The following ASAP1 variants were observed in gnomAD, a reference collection of about 807,000 sequenced individuals.
The protein encoded by ASAP1 is arf-GAP with SH3 domain, ANK repeat and PH domain-containing protein 1.
Under a neutral mutation model 145.2 loss-of-function variants are expected in ASAP1, and 43 were observed. The observed-to-expected ratio is 0.30, with a 90% confidence interval of 0.23 to 0.38. ASAP1 has a LOEUF of 0.38. Ranked by LOEUF, ASAP1 falls within the 10% of genes least tolerant of loss-of-function variation. The pLI is 1.00. For missense variants in ASAP1, 1,018 were observed against 1,355.3 expected (o/e 0.75, Z 3.91); for synonymous variants, 546 against 515.5 (o/e 1.06, Z -0.80).
intron 27 of ASAP1, among the ~76,000 whole-genome samples, chr8:130,064,637 A>T (rs2097426473): frequency 2.0e-5 from 3 of 152,140 alleles, no homozygotes. Flanking sequence ...ACCACCAAGC[A>T]GCGGATACCA....
intron 2 of ASAP1, among the ~76,000 whole-genome samples, chr8:130,359,694 G>C (rs1346329159): frequency 1.3e-5 from 2 of 151,206 alleles, no homozygotes; most frequent in Non-Finnish European, 2.9e-5. Context: ...CGCAATCTCG[G>C]CTCACTGCAA....
intron 25 of ASAP1, among the ~76,000 whole-genome samples, chr8:130,082,370 TTTTA>T (rs1193228622): frequency 6.6e-5 from 10 of 152,098 alleles, no homozygotes; most frequent in East Asian, 1.9e-4. Context: ...TTTTCTTATT[TTTTA>T]TTTATTTATT....
intron 1 of ASAP1, among the ~76,000 whole-genome samples, chr8:130,440,991 G>GGAAT (rs1272386228): frequency 6.6e-6 from 1 of 152,168 alleles, no homozygotes; most frequent in East Asian, 1.9e-4. Context: ...GCTCCAGAAG[G>GGAAT]GCAGTGCCAG....
At chr8:130,197,551 AC>A (rs1418729153) in intron 5 of ASAP1, among the ~76,000 whole-genome samples, 1 of 152,228 alleles carries the variant, frequency 6.6e-6, no homozygotes, top group Non-Finnish European at 1.5e-5. Context: ...GCTCCTGGTA[AC>A]CCTACAAGGT....
At position 130,059,497 on chromosome 8, in the gene ASAP1, C is replaced by T. The variant is rs564468604; in HGVS notation, c.3192+1082G>A. Reference sequence around the variant, plus strand: ...AATTTTTTTGAGACAGGGTCTTGCTCTGTTACCCAGGCTGGAGTGTAGTGG... The same window carrying T: ...AATTTTTTTGAGACAGGGTCTTGCTTTGTTACCCAGGCTGGAGTGTAGTGG... On this transcript the variant is annotated intron_variant, in intron 28 of 29. Coordinates refer to ENST00000518721, the MANE Select transcript of ASAP1 (RefSeq NM_018482.4). Among the ~76,000 whole-genome samples, 65 of 152,108 alleles carry T rather than the reference C, an allele frequency of 4.3e-4. 1 individual carries two copies. In the South Asian group the frequency reaches 0.014, roughly 32 times the overall value.
chr8:130,300,137 CACACACACACACACACAGAGAG>C (rs1565185826), intron 3 of ASAP1, among the ~76,000 whole-genome samples: 1 of 118,456 alleles, frequency 8.4e-6, no homozygotes, highest in Non-Finnish European at 1.7e-5. Flanking sequence ...CACACACACA[CACACACACACACACACAGAGAG>C]AGAGAGAGAG....
At chr8:130,271,021 C>T (rs972685039) in intron 3 of ASAP1, among the ~76,000 whole-genome samples, 1 of 152,214 alleles carries the variant, frequency 6.6e-6, no homozygotes, top group African/African-American at 2.4e-5. Context: ...GAGGATCACA[C>T]CGTCCTGAAA....
intron 12 of ASAP1, 119 bp downstream of exon 12, chr8:130,159,745 G>A: frequency 2.6e-6 from 2 of 758,882 alleles, no homozygotes; most frequent in Non-Finnish European, 4.5e-6. Context: ...GAAAACCAGT[G>A]TGCTAAAGGT....
chr8:130,179,671 T>C (rs1814211905), intron 8 of ASAP1, among the ~76,000 whole-genome samples: 1 of 152,110 alleles, frequency 6.6e-6, no homozygotes, highest in Admixed American at 6.6e-5. Flanking sequence ...ACTGGAAAGA[T>C]TGATTGTTTT....
intron 13 of ASAP1, among the ~76,000 whole-genome samples, chr8:130,144,824 G>A (rs2097623501): frequency 1.3e-5 from 2 of 152,126 alleles, no homozygotes; most frequent in African/African-American, 4.8e-5. Context: ...ATTTATCACT[G>A]TATCTCCCAA....
chr8:130,377,964 CCT>C (rs1222731103), intron 2 of ASAP1, among the ~76,000 whole-genome samples: 1 of 152,230 alleles, frequency 6.6e-6, no homozygotes, highest in Non-Finnish European at 1.5e-5. Flanking sequence ...CTGTCTGTTT[CCT>C]CCTGGGACCC....
chr8:130,214,145 T>C (rs1227291288), intron 5 of ASAP1, among the ~76,000 whole-genome samples: 1 of 152,206 alleles, frequency 6.6e-6, no homozygotes, highest in African/African-American at 2.4e-5. Flanking sequence ...TATAATACTT[T>C]CAATGTGTAT....
chr8:130,309,794 T>G (rs899538961), intron 3 of ASAP1, among the ~76,000 whole-genome samples: 1 of 152,210 alleles, frequency 6.6e-6, no homozygotes, highest in Admixed American at 6.5e-5. Context: ...AAACTGGACT[T>G]TTAATCACAA....
chr8:130,377,931 C>T (rs1051814075), intron 2 of ASAP1, among the ~76,000 whole-genome samples: 7 of 152,240 alleles, frequency 4.6e-5, no homozygotes, highest in African/African-American at 1.2e-4. Context: ...AAACTCTCTT[C>T]GGATTACCCT....
intron 9 of ASAP1, among the ~76,000 whole-genome samples, chr8:130,178,289 A>T (rs972412696): frequency 3.3e-5 from 5 of 152,044 alleles, no homozygotes; most frequent in African/African-American, 1.2e-4. Flanking sequence ...ACGAATACAG[A>T]CTTTACTAAT....
chr8:130,268,386 C>CT (rs1159441863), intron 3 of ASAP1, among the ~76,000 whole-genome samples: 1 of 151,738 alleles, frequency 6.6e-6, no homozygotes, highest in African/African-American at 2.4e-5. Flanking sequence ...ACTTGGGAGA[C>CT]TGAGGTGGGA....
chr8:130,107,702 C>T (rs1040642103), intron 24 of ASAP1, among the ~76,000 whole-genome samples: 3 of 151,910 alleles, frequency 2.0e-5, no homozygotes, highest in African/African-American at 7.3e-5. Context: ...CACGGGCCAC[C>T]AAGCCTGGTT....
chr8:130,214,529 T>C, intron 5 of ASAP1, 27 bp downstream of exon 5: 1 of 1,564,714 alleles, frequency 6.4e-7, no homozygotes, highest in South Asian at 1.2e-5. Context: ...GCTGTAATTC[T>C]TTTTACTCAC....
intron 3 of ASAP1, among the ~76,000 whole-genome samples, chr8:130,283,133 G>A (rs985345624): frequency 3.9e-5 from 6 of 152,214 alleles, no homozygotes; most frequent in Admixed American, 6.5e-5. Flanking sequence ...GGGCCACTAC[G>A]TTGTGAGCTC....
Sources: gnomAD v4.1 joint callset for allele counts (sites outside exome capture counted in the v4.1 genomes callset) on GRCh38, gnomAD v4.1.1 for gene constraint, MANE v1.5 for transcripts, NCBI Gene and HGNC (gene_info 2026-07-23, HGNC 2026-07-21) for gene names.